SGCD: variants seen among roughly 807,000 people sequenced by gnomAD.
SGCD encodes sarcoglycan delta, also known as delta-sarcoglycan.
Under a neutral mutation model 36.6 loss-of-function variants are expected in SGCD, and 18 were observed. The observed-to-expected ratio is 0.49, with a 90% CI of 0.34 to 0.73. The LOEUF is 0.73. Among genes scored for constraint, SGCD ranks in the 30% least tolerant of loss-of-function variants. The pLI, the probability that SGCD is intolerant of heterozygous loss-of-function variation, is 0.01. For missense variants in SGCD, 387 were observed against 346.7 expected (o/e 1.12, Z -0.92); for synonymous variants, 133 against 130.6 (o/e 1.02, Z -0.12).
intron 3 of SGCD, among the ~76,000 whole-genome samples, chr5:156,139,399 A>G (rs1298505207): frequency 1.3e-5 from 2 of 152,144 alleles, no homozygotes; most frequent in East Asian, 3.9e-4. Flanking sequence ...AGGTTCATCA[A>G]AAGTTAGCTA....
intron 4 of SGCD, among the ~76,000 whole-genome samples, chr5:156,547,834 A>C (rs577293581): frequency 6.6e-6 from 1 of 152,246 alleles, no homozygotes; most frequent in Non-Finnish European, 1.5e-5. Context: ...ATTAGTTACT[A>C]TATTTTTGGC....
the SGCD span, among the ~76,000 whole-genome samples, chr5:155,863,912 T>A: frequency 2.0e-5 from 3 of 152,186 alleles, no homozygotes; most frequent in Non-Finnish European, 4.4e-5. Flanking sequence ...AGGACCCTAC[T>A]GTCATGGAAA....
intron 4 of SGCD, among the ~76,000 whole-genome samples, chr5:156,553,996 G>A (rs931625373): frequency 2.0e-5 from 3 of 152,138 alleles, no homozygotes; most frequent in Admixed American, 2.0e-4. Context: ...ATCCGTGGTT[G>A]TACTTTCCAT....
intron 1 of SGCD, among the ~76,000 whole-genome samples, chr5:155,966,203 A>G (rs573047478): frequency 6.6e-6 from 1 of 152,254 alleles, no homozygotes; most frequent in Admixed American, 6.5e-5. Context: ...ATGCCTGCCC[A>G]GTCAACGTGA....
chr5:155,730,445 C>CTGTGTGTGTGTGTG, the SGCD span, among the ~76,000 whole-genome samples: 7,735 of 137,168 alleles, frequency 0.056, 345 homozygotes, highest in East Asian at 0.11. Flanking sequence ...GGTAGAGCAG[C>CTGTGTGTGTGTGTG]TGTGTGTGTG....
At chr5:156,553,939 A>G (rs1758897099) in intron 4 of SGCD, among the ~76,000 whole-genome samples, 1 of 152,218 alleles carries the variant, frequency 6.6e-6, no homozygotes, top group Non-Finnish European at 1.5e-5. Flanking sequence ...ATTTTTGTGT[A>G]AATATATGTT....
intron 7 of SGCD, among the ~76,000 whole-genome samples, chr5:156,730,350 G>A (rs182654725): frequency 9.3e-4 from 141 of 152,138 alleles, no homozygotes; most frequent in African/African-American, 3.1e-3. Context: ...GTAACCATTC[G>A]TTATTTTCCC....
chr5:156,371,994 A>C (rs1297593629), intron 3 of SGCD, among the ~76,000 whole-genome samples: 1 of 152,166 alleles, frequency 6.6e-6, no homozygotes, highest in Non-Finnish European at 1.5e-5. Flanking sequence ...TTATGCCATC[A>C]CTCTAAAAAG....
intron 4 of SGCD, among the ~76,000 whole-genome samples, chr5:156,535,681 CA>C (rs1758075853): frequency 1.3e-5 from 2 of 152,102 alleles, no homozygotes; most frequent in Non-Finnish European, 2.9e-5. Context: ...TTAGAGAGCA[CA>C]AGAATAGTCT....
chr5:156,185,845 A>G (rs1403969591), intron 3 of SGCD, among the ~76,000 whole-genome samples: 12 of 50,278 alleles, frequency 2.4e-4, no homozygotes, highest in African/African-American at 5.2e-4. Context: ...ATATATATAT[A>G]TATATAGAGA....
At position 156,456,001 on chromosome 5, in the gene SGCD, G is replaced by A. The variant is rs116387215; in HGVS notation, c.193-52600G>A. On this transcript the variant is annotated intron_variant, in intron 3 of 8. Transcript: ENST00000337851. ...GAAGTCTCAGAGGGAGCATGGTCCT[G>A]CTGACACCTTGATTTCAGACCTCCA... 9.8e-3 allele frequency among the ~76,000 whole-genome samples: 1,497 copies of A among 152,300 alleles called. 24 individuals are homozygous for A. Among genetic ancestry groups the A allele is most frequent in the African/African-American group, 0.033 (1,378 of 41,562 alleles).
chr5:156,406,813 TATATATACACACAC>T (rs1163726744), intron 3 of SGCD, among the ~76,000 whole-genome samples: 14 of 107,976 alleles, frequency 1.3e-4, no homozygotes, highest in East Asian at 8.9e-4. Flanking sequence ...TATATATATA[TATATATACACACAC>T]ACACACACAC....
At chr5:156,135,564 T>G (rs1036052589) in intron 3 of SGCD, among the ~76,000 whole-genome samples, 1 of 152,160 alleles carries the variant, frequency 6.6e-6, no homozygotes, top group Non-Finnish European at 1.5e-5. Context: ...TAGAAGATTT[T>G]CTGTCCAGCT....
intron 4 of SGCD, among the ~76,000 whole-genome samples, chr5:156,537,330 G>A (rs774322706): frequency 6.6e-6 from 1 of 152,018 alleles, no homozygotes; most frequent in Non-Finnish European, 1.5e-5. Flanking sequence ...GCCCTATCCT[G>A]CCTCTAGTAC....
At chr5:156,732,823 G>A (rs909057488) in intron 7 of SGCD, among the ~76,000 whole-genome samples, 1 of 152,028 alleles carries the variant, frequency 6.6e-6, no homozygotes, top group African/African-American at 2.4e-5. Flanking sequence ...GTCTAGGGAA[G>A]GTGTATGTGT....
intron 3 of SGCD, among the ~76,000 whole-genome samples, chr5:156,419,859 T>C (rs896998965): frequency 6.6e-6 from 1 of 151,928 alleles, no homozygotes; most frequent in Non-Finnish European, 1.5e-5. Flanking sequence ...CCAAGGTGAG[T>C]GTGTGTCTGT....
intron 7 of SGCD, among the ~76,000 whole-genome samples, chr5:156,700,511 C>T (rs140117840): frequency 2.6e-4 from 39 of 152,298 alleles, no homozygotes; most frequent in African/African-American, 9.1e-4. Context: ...AACATCTTCT[C>T]AACTCCTGCA....
chr5:156,561,334 C>T (rs1355226153), intron 4 of SGCD, among the ~76,000 whole-genome samples: 1 of 152,176 alleles, frequency 6.6e-6, no homozygotes, highest in African/African-American at 2.4e-5. Context: ...AGATTCCAAG[C>T]CATTTTTGAA....
chr5:156,437,529 T>G (rs1753295022), intron 3 of SGCD, among the ~76,000 whole-genome samples: 1 of 152,170 alleles, frequency 6.6e-6, no homozygotes, highest in East Asian at 1.9e-4. Flanking sequence ...AATTAAGGTT[T>G]CTTTGTAGGT....
Sources: gnomAD v4.1 joint callset for allele counts (sites outside exome capture counted in the v4.1 genomes callset) on GRCh38, gnomAD v4.1.1 for gene constraint, MANE v1.5 for transcripts, NCBI Gene and HGNC (gene_info 2026-07-23, HGNC 2026-07-21) for gene names.